GOLM1: variants seen among roughly 807,000 people sequenced by gnomAD.
GOLM1 encodes the protein epididymis luminal protein 46.
GOLM1 carries 31 observed loss-of-function variants against 50.5 expected under a neutral mutation model. The ratio of observed to expected loss-of-function variants is 0.61; its 90% CI spans 0.46 to 0.83. The LOEUF is 0.83. Among genes scored for constraint, GOLM1 ranks in the 40% least tolerant of loss-of-function variants. The pLI is 0.00. For missense variants in GOLM1, 491 were observed against 501.3 expected (o/e 0.98, Z 0.20); for synonymous variants, 178 against 192.8 (o/e 0.92, Z 0.64).
Position 86,026,195 on chromosome 9 carries a change from A to G in GOLM1, c.*1622T>C. 1 of 981,058 alleles carries G rather than the reference A, an allele frequency of 1.0e-6. No homozygotes were observed. Among genetic ancestry groups the G allele is most frequent in the Non-Finnish European group, 1.2e-6 (1 of 825,986 alleles). The allele number at this position is 981,058 out of a possible 1,614,324, so 60.8% of individuals were successfully genotyped here. A position where few individuals can be genotyped will look rare whatever the true frequency, so the allele number is the denominator to read the frequency against. On this transcript the variant is annotated 3_prime_UTR_variant, in exon 10 of 10. Coordinates refer to ENST00000388712, the MANE Select transcript of GOLM1 (RefSeq NM_016548.4). ...CTCAGCAATTCTATGCGTACAAATT[A>G]AACATGAGATGAATAGAGACTTTAT...
In GOLM1 at chr9:86,029,142, CAA is replaced by C. The variant is rs72270665; in HGVS notation, c.1130-1251_1130-1250del. Among the ~76,000 whole-genome samples the C allele has an allele frequency of 0.02, 3,098 of 152,170 alleles. 368 individuals are homozygous for C. In the East Asian group the frequency reaches 0.36, roughly 18 times the overall value. ...AAAGTGCTGGGATTACAAGCGTGAG[CAA>C]CCACGCCCAGCTGGAACTCCTCCCC... On this transcript the variant is annotated intron_variant, in intron 9 of 9. Coordinates refer to ENST00000388712, the MANE Select transcript of GOLM1 (RefSeq NM_016548.4).
At chr9:86,087,589 G>A (rs1258497538) in intron 1 of GOLM1, among the ~76,000 whole-genome samples, 1 of 152,142 alleles carries the variant, frequency 6.6e-6, no homozygotes, top group Admixed American at 6.6e-5. Context: ...GTTGTAAATA[G>A]CTCTTATTAT....
intron 7 of GOLM1, among the ~76,000 whole-genome samples, chr9:86,035,910 T>C (rs890477725): frequency 1.4e-5 from 2 of 143,434 alleles, no homozygotes; most frequent in Non-Finnish European, 3.0e-5. Context: ...CTGGACTAAA[T>C]TACCTTGACA....
chr9:86,043,625 T>G (rs1833434279), intron 5 of GOLM1, among the ~76,000 whole-genome samples: 1 of 152,188 alleles, frequency 6.6e-6, no homozygotes, highest in African/African-American at 2.4e-5. Context: ...ACATTATCCC[T>G]GGGAAGCACT....
At chr9:86,041,752 A>G (rs1416657055) in intron 5 of GOLM1, among the ~76,000 whole-genome samples, 6 of 152,172 alleles carry the variant, frequency 3.9e-5, no homozygotes, top group Admixed American at 1.3e-4. Flanking sequence ...TGTGGCTGGC[A>G]TCTGAGGTGG....
intron 6 of GOLM1, among the ~76,000 whole-genome samples, chr9:86,037,071 C>A (rs1397847756): frequency 6.6e-6 from 1 of 152,234 alleles, no homozygotes; most frequent in South Asian, 2.1e-4. Context: ...TTAAACAACA[C>A]ACTCCTAAAT....
intron 4 of GOLM1, among the ~76,000 whole-genome samples, chr9:86,051,222 TGA>T (rs1833739803): frequency 1.3e-5 from 2 of 152,350 alleles, no homozygotes; most frequent in South Asian, 4.1e-4. Context: ...CACTGTGGTC[TGA>T]GAGACAGTTT....
intron 9 of GOLM1, among the ~76,000 whole-genome samples, chr9:86,032,999 C>T (rs968086352): frequency 4.6e-5 from 7 of 152,112 alleles, no homozygotes; most frequent in African/African-American, 1.2e-4. Flanking sequence ...TTGGGAAATC[C>T]CTAAATGTCA....
At chr9:86,048,194 G>C (rs1419237099) in intron 4 of GOLM1, among the ~76,000 whole-genome samples, 1 of 151,990 alleles carries the variant, frequency 6.6e-6, no homozygotes, top group African/African-American at 2.4e-5. Context: ...CCCTACAAAG[G>C]ACATAAACTC....
intron 1 of GOLM1, among the ~76,000 whole-genome samples, chr9:86,086,295 C>T (rs1467945618): frequency 6.6e-6 from 1 of 152,120 alleles, no homozygotes; most frequent in Non-Finnish European, 1.5e-5. Flanking sequence ...TGTTCATATC[C>T]TTCGCCCAGT....
intron 6 of GOLM1, among the ~76,000 whole-genome samples, chr9:86,038,899 C>T (rs1012134566): frequency 6.6e-6 from 1 of 151,922 alleles, no homozygotes; most frequent in African/African-American, 2.4e-5. Context: ...CAAAGTGTTA[C>T]TAGATATAAT....
chr9:86,086,081 C>T (rs964141820), intron 1 of GOLM1, among the ~76,000 whole-genome samples: 1 of 152,198 alleles, frequency 6.6e-6, no homozygotes, highest in Non-Finnish European at 1.5e-5. Flanking sequence ...CTAACTTACA[C>T]TCCGACCAAC....
intron 2 of GOLM1, among the ~76,000 whole-genome samples, chr9:86,078,847 C>T (rs192614829): frequency 8.5e-5 from 13 of 152,298 alleles, no homozygotes; most frequent in African/African-American, 2.2e-4. Context: ...TCTTGGGCGC[C>T]GGAGGACCGC....
intron 2 of GOLM1, 106 bp from the exon 3 acceptor site, chr9:86,077,697 G>A (rs1218946526): frequency 1.4e-6 from 1 of 736,940 alleles, no homozygotes; most frequent in Non-Finnish European, 2.3e-6. Flanking sequence ...GCCAGCACCA[G>A]TCTTATACAC....
intron 3 of GOLM1, among the ~76,000 whole-genome samples, chr9:86,068,918 C>A (rs375670102): frequency 1.3e-5 from 2 of 152,096 alleles, no homozygotes; most frequent in South Asian, 2.1e-4. Flanking sequence ...TCAGTGTCTA[C>A]TTACAAAGTG....
chr9:86,036,719 C>T (rs914816517), intron 6 of GOLM1: 4 of 579,320 alleles, frequency 6.9e-6, no homozygotes, highest in East Asian at 2.9e-5. Flanking sequence ...CCAGAAAGTA[C>T]TGTCAATACA....
Position 86,066,318 on chromosome 9 carries a change from G to C in GOLM1, c.309+11094C>G, listed in dbSNP as rs573381566. 2.6e-5 allele frequency among the ~76,000 whole-genome samples: 4 copies of C among 152,200 alleles called. No homozygotes were observed. The East Asian group carries it at 5.8e-4, about 22-fold the overall frequency. ...AAGTTACTGTGCAAGAGGAGAAACC[G>C]GGCAGCTCCCTGAAACCACCTGGAC... On this transcript the variant is annotated intron_variant, in intron 3 of 9. Coordinates refer to ENST00000388712, the MANE Select transcript of GOLM1 (RefSeq NM_016548.4).
chr9:86,084,004 C>G lies in GOLM1; in HGVS notation c.-21-4663G>C, dbSNP rs80138284. Reference sequence around the variant, plus strand: ...GGTGCTGTCCTAGATCCTCCTGGGGCTGTCACATAATATATAATAAATGCC... The same window carrying G: ...GGTGCTGTCCTAGATCCTCCTGGGGGTGTCACATAATATATAATAAATGCC... On this transcript the variant is annotated intron_variant, in intron 1 of 9. Coordinates refer to ENST00000388712, the MANE Select transcript of GOLM1 (RefSeq NM_016548.4). Among the ~76,000 whole-genome samples, 1,080 of 152,242 alleles carry G rather than the reference C, an allele frequency of 7.1e-3. 9 individuals are homozygous for G. Among genetic ancestry groups the G allele is most frequent in the African/African-American group, 0.024 (1,011 of 41,536 alleles).
chr9:86,079,045 T>G (rs1461763012), intron 2 of GOLM1, 147 bp downstream of exon 2: 11 of 612,066 alleles, frequency 1.8e-5, no homozygotes, highest in Admixed American at 3.3e-5. Context: ...TGTGGGGGTG[T>G]GCAGAGCCCT....
Sources: allele counts gnomAD v4.1 joint callset (sites outside exome capture counted in the v4.1 genomes callset), GRCh38; gene constraint gnomAD v4.1.1; transcripts MANE v1.5; gene names NCBI Gene and HGNC (gene_info 2026-07-23, HGNC 2026-07-21).